Variants in GLRA3 observed in about 807,000 individuals in gnomAD.
GLRA3 encodes glycine receptor alpha 3.
A neutral mutation model predicts 60.4 loss-of-function variants in GLRA3; 44 were observed. The observed-to-expected ratio is 0.73, with a 90% confidence interval of 0.57 to 0.94. The LOEUF (loss-of-function observed/expected upper bound fraction) is 0.94, where lower values mean the gene tolerates loss of function less well. Among genes scored for constraint, GLRA3 ranks in the 40% least tolerant of loss-of-function variants. The pLI is 0.00. For missense variants in GLRA3, 508 were observed against 564.6 expected, an observed-to-expected ratio of 0.90 and a Z score of 1.02; for synonymous variants, 223 against 192.9, an observed-to-expected ratio of 1.16 and a Z score of -1.29.
At chr4:174,726,720 A>C (rs147967014) in intron 4 of GLRA3, among the ~76,000 whole-genome samples, 1 of 152,112 alleles carries the variant, frequency 6.6e-6, no homozygotes, top group African/African-American at 2.4e-5. Flanking sequence ...GCATCTCCCT[A>C]AGTTTGTTAT....
chr4:174,704,310 C>T (rs1735436268), intron 5 of GLRA3, among the ~76,000 whole-genome samples: 1 of 142,876 alleles, frequency 7.0e-6, no homozygotes, highest in Non-Finnish European at 1.6e-5. Context: ...ATGGTGACAG[C>T]TCTGAGTAGT....
chr4:174,828,189 A>G (rs1741054247), intron 1 of GLRA3, among the ~76,000 whole-genome samples: 1 of 152,148 alleles, frequency 6.6e-6, no homozygotes, highest in Non-Finnish European at 1.5e-5. Flanking sequence ...ATATCTAATA[A>G]TCTATTTATG....
At chr4:174,677,643 A>G (rs1348022696) in intron 6 of GLRA3, among the ~76,000 whole-genome samples, 1 of 151,704 alleles carries the variant, frequency 6.6e-6, no homozygotes, top group African/African-American at 2.4e-5. Flanking sequence ...TACAGGTGGG[A>G]GCCACTGCTC....
At chr4:174,692,947 TA>T (rs70947455) in intron 5 of GLRA3, among the ~76,000 whole-genome samples, 3,544 of 142,440 alleles carry the variant, frequency 0.025, 135 homozygotes, top group African/African-American at 0.082. Context: ...AAAAAAAAAA[TA>T]AAAAAAAAAA....
intron 2 of GLRA3, among the ~76,000 whole-genome samples, chr4:174,776,763 C>T (rs1432322761): frequency 3.3e-5 from 5 of 152,212 alleles, no homozygotes; most frequent in South Asian, 2.1e-4. Flanking sequence ...ATGATTGTTA[C>T]TATTGTCATA....
rs1198440844 is a variant in GLRA3 at position 174,698,739 on chromosome 4, T to C, written c.575-15800A>G. 3.3e-5 allele frequency among the ~76,000 whole-genome samples: 5 copies of C among 152,316 alleles called. No individual in the cohort carries two copies. The East Asian group carries it at 9.6e-4, about 29-fold the overall frequency. On this transcript the variant is annotated intron_variant, in intron 5 of 9. Coordinates refer to ENST00000274093, the MANE Select transcript of GLRA3 (RefSeq NM_006529.4). ...CATCAGAGAATAAAATTATATATTT[T>C]GTGTGCAACTTCTCCTTAAGGTGAG...
At chr4:174,683,540 G>A (rs535173521) in intron 5 of GLRA3, among the ~76,000 whole-genome samples, 74 of 152,046 alleles carry the variant, frequency 4.9e-4, no homozygotes, top group African/African-American at 1.7e-3. Flanking sequence ...TAGTAGAGAC[G>A]GGGTTTTACC....
intron 3 of GLRA3, among the ~76,000 whole-genome samples, chr4:174,755,883 C>T (rs1476943624): frequency 6.6e-6 from 1 of 151,852 alleles, no homozygotes; most frequent in Non-Finnish European, 1.5e-5. Context: ...TAAAAATACA[C>T]CCATATATAA....
At chr4:174,646,312 A>G (rs2055061300) in intron 9 of GLRA3, among the ~76,000 whole-genome samples, 3 of 152,228 alleles carry the variant, frequency 2.0e-5, no homozygotes, top group African/African-American at 7.2e-5. Context: ...AAATTAACAT[A>G]TTAGTGAGCA....
At chr4:174,684,132 A>G (rs1734462268) in intron 5 of GLRA3, among the ~76,000 whole-genome samples, 1 of 152,172 alleles carries the variant, frequency 6.6e-6, no homozygotes, top group African/African-American at 2.4e-5. Flanking sequence ...AGCTTATTAT[A>G]GAACTCATGT....
intron 4 of GLRA3, among the ~76,000 whole-genome samples, chr4:174,716,603 C>A (rs1291823936): frequency 6.6e-6 from 1 of 152,110 alleles, no homozygotes; most frequent in African/African-American, 2.4e-5. Flanking sequence ...TTCATGAGCA[C>A]CCTAGGTGGA....
chr4:174,797,923 C>CAA (rs200168895), intron 1 of GLRA3, among the ~76,000 whole-genome samples: 12 of 126,410 alleles, frequency 9.5e-5, no homozygotes, highest in Non-Finnish European at 1.2e-4. Context: ...GACCCTATCT[C>CAA]AAAAAAAAAA....
intron 7 of GLRA3, among the ~76,000 whole-genome samples, chr4:174,660,518 T>C (rs1205917748): frequency 1.3e-5 from 2 of 152,198 alleles, no homozygotes; most frequent in Admixed American, 6.5e-5. Context: ...GCACACAATG[T>C]TGATCAATTG....
intron 2 of GLRA3, among the ~76,000 whole-genome samples, chr4:174,768,706 GGAAT>G (rs1401861682): frequency 1.3e-5 from 2 of 152,018 alleles, no homozygotes; most frequent in Non-Finnish European, 2.9e-5. Flanking sequence ...AACATTTTAG[GGAAT>G]TAAAGCACAG....
At chr4:174,824,930 G>C (rs1740904773) in intron 1 of GLRA3, among the ~76,000 whole-genome samples, 1 of 152,194 alleles carries the variant, frequency 6.6e-6, no homozygotes, top group South Asian at 2.1e-4. Context: ...AATAAATCTT[G>C]TTAAATTGCT....
At chr4:174,768,945 C>G (rs987906330) in intron 2 of GLRA3, among the ~76,000 whole-genome samples, 1 of 151,954 alleles carries the variant, frequency 6.6e-6, no homozygotes, top group African/African-American at 2.4e-5. Context: ...GTAAGTTAGT[C>G]GGAGAACACC....
chr4:174,660,286 A>G (rs767843827), intron 7 of GLRA3, among the ~76,000 whole-genome samples: 2 of 152,192 alleles, frequency 1.3e-5, no homozygotes, highest in Non-Finnish European at 2.9e-5. Flanking sequence ...GATTTAATCC[A>G]TGATCATGTG....
At chr4:174,683,303 T>A (rs1734425936) in intron 5 of GLRA3, among the ~76,000 whole-genome samples, 1 of 152,218 alleles carries the variant, frequency 6.6e-6, no homozygotes, top group South Asian at 2.1e-4. Flanking sequence ...TTCTTTCAAA[T>A]TATTCAGGAC....
At chr4:174,666,755 TA>T (rs1202612416) in intron 7 of GLRA3, among the ~76,000 whole-genome samples, 40 of 124,416 alleles carry the variant, frequency 3.2e-4, no homozygotes, top group African/African-American at 5.0e-4. Context: ...TATATATATA[TA>T]TATTATATAT....
Sources: gnomAD v4.1 joint callset for allele counts (sites outside exome capture counted in the v4.1 genomes callset) on GRCh38, gnomAD v4.1.1 for gene constraint, MANE v1.5 for transcripts, NCBI Gene and HGNC (gene_info 2026-07-23, HGNC 2026-07-21) for gene names.